The following USP25 variants were observed in gnomAD, a reference collection of about 807,000 sequenced individuals.
USP25 encodes ubiquitin specific peptidase 25, also known as ubiquitin carboxyl-terminal hydrolase 25.
A neutral mutation model predicts 158.5 loss-of-function variants in USP25; 85 were observed. The ratio of observed to expected loss-of-function variants is 0.54; its 90% CI spans 0.45 to 0.64. The LOEUF (loss-of-function observed/expected upper bound fraction) is 0.64, where lower values mean the gene tolerates loss of function less well. USP25 is among the 30% of genes least tolerant of loss of function. The pLI is 0.00. For missense variants in USP25, 1,242 were observed against 1,327.3 expected (o/e 0.94, Z 1.00); for synonymous variants, 464 against 460.4 (o/e 1.01, Z -0.10).
intron 18 of USP25, among the ~76,000 whole-genome samples, chr21:15,845,977 C>T (rs1302888416): frequency 2.0e-5 from 3 of 151,088 alleles, no homozygotes; most frequent in Admixed American, 6.6e-5. Flanking sequence ...ATAGAACAGC[C>T]GTTACATACC....
Position 15,755,707 on chromosome 21 carries a change from C to G in USP25, c.46-7184C>G, listed in dbSNP as rs570794688. Among the ~76,000 whole-genome samples, 3 of 152,010 alleles carry G rather than the reference C, an allele frequency of 2.0e-5. No individual in the cohort carries two copies. In the South Asian group the frequency reaches 6.2e-4, roughly 32 times the overall value. ...AGTTTAAACCTTCACTCTGAAAGTT[C>G]GATTAATTGAGTGCTGAAATAAACT... On this transcript the variant is annotated intron_variant, in intron 1 of 25. Transcript: ENST00000400183.
chr21:15,752,107 A>G (rs77828374), intron 1 of USP25, among the ~76,000 whole-genome samples: 11,656 of 150,914 alleles, frequency 0.077, 506 homozygotes, highest in East Asian at 0.1. Context: ...CTAATTTTGT[A>G]TTTTTGGTAG....
chr21:15,773,198 G>T (rs371676879), intron 3 of USP25: 1 of 152,148 alleles, frequency 6.6e-6, no homozygotes, highest in Admixed American at 6.6e-5. Context: ...TGAACCCTCC[G>T]CTATTGGAGA....
intron 20 of USP25, among the ~76,000 whole-genome samples, chr21:15,863,628 G>A (rs996575869): frequency 2.6e-5 from 4 of 152,150 alleles, no homozygotes; most frequent in African/African-American, 9.7e-5. Flanking sequence ...TCTGTGAATA[G>A]ACTTTGACTA....
chr21:15,742,762 A>G (rs533732653), intron 1 of USP25, among the ~76,000 whole-genome samples: 3 of 152,340 alleles, frequency 2.0e-5, no homozygotes, highest in Admixed American at 2.0e-4. Context: ...CTCTAAGGCC[A>G]GCAGTGCCTC....
chr21:15,762,172 T>A (rs1433004042), intron 1 of USP25, among the ~76,000 whole-genome samples: 2 of 152,154 alleles, frequency 1.3e-5, no homozygotes, highest in African/African-American at 4.8e-5. Context: ...CTAGGTTTGC[T>A]TTTCCTATCA....
At chr21:15,773,101 A>G (rs757923780) in intron 3 of USP25, among the ~76,000 whole-genome samples, 1 of 152,224 alleles carries the variant, frequency 6.6e-6, no homozygotes, top group African/African-American at 2.4e-5. Context: ...GTCTCAACCA[A>G]CTTTTCCAGC....
At chr21:15,769,435 C>A (rs16989491) in intron 3 of USP25, among the ~76,000 whole-genome samples, 3,616 of 152,180 alleles carry the variant, frequency 0.024, 136 homozygotes, top group African/African-American at 0.082. Flanking sequence ...CTATAATTAG[C>A]AAACGTACTA....
At chr21:15,831,128 A>G (rs993384428) in intron 15 of USP25, among the ~76,000 whole-genome samples, 1 of 152,200 alleles carries the variant, frequency 6.6e-6, no homozygotes, top group African/African-American at 2.4e-5. Flanking sequence ...AATTAGGCCA[A>G]TGAGTATGTA....
chr21:15,856,647 A>C (rs1471007564), intron 20 of USP25, among the ~76,000 whole-genome samples: 1 of 151,780 alleles, frequency 6.6e-6, no homozygotes, highest in South Asian at 2.1e-4. Context: ...AATTTTTTGT[A>C]TTTTTAGTAG....
intron 9 of USP25, among the ~76,000 whole-genome samples, chr21:15,815,282 T>TGCTA (rs2036879595): frequency 6.6e-6 from 1 of 152,190 alleles, no homozygotes; most frequent in Middle Eastern, 3.2e-3. Context: ...GGGGTCCTCA[T>TGCTA]GGACAACCTC....
At chr21:15,861,007 A>G (rs2039406914) in intron 20 of USP25, among the ~76,000 whole-genome samples, 1 of 151,192 alleles carries the variant, frequency 6.6e-6, no homozygotes, top group Non-Finnish European at 1.5e-5. Flanking sequence ...TTACATAAAA[A>G]ATTAAGTCCA....
chr21:15,737,066 C>G (rs1448201466), intron 1 of USP25, among the ~76,000 whole-genome samples: 1 of 151,908 alleles, frequency 6.6e-6, no homozygotes, highest in Non-Finnish European at 1.5e-5. Flanking sequence ...AATCTGTGTT[C>G]TCAGGAATTT....
rs550513956 is a variant in USP25, at chr21:15,819,110, A to G, written c.1080+264A>G. On this transcript the variant is annotated intron_variant, in intron 10 of 25. Coordinates refer to ENST00000400183, the MANE Select transcript of USP25 (RefSeq NM_001283041.3). Reference sequence around the variant, plus strand: ...TTGTTCAGTCTTTTTAGACCTTTCAATCAAGGTACCAGCCATTAGCAGCAT... The same window carrying G: ...TTGTTCAGTCTTTTTAGACCTTTCAGTCAAGGTACCAGCCATTAGCAGCAT... 7.9e-5 allele frequency among the ~76,000 whole-genome samples: 12 copies of G among 152,314 alleles called. No individual in the cohort carries two copies. The East Asian group carries it at 1.9e-3, about 24-fold the overall frequency.
intron 14 of USP25, among the ~76,000 whole-genome samples, chr21:15,829,207 T>C (rs894807448): frequency 2.0e-5 from 3 of 152,168 alleles, no homozygotes; most frequent in African/African-American, 7.2e-5. Flanking sequence ...AGGTTTGCTA[T>C]AAAGGTAAAT....
rs1490832542 is a variant in USP25 at position 15,833,559 on chromosome 21, T to C, written c.2194+11T>C. On this transcript the variant is annotated intron_variant, in intron 17 of 25. Coordinates refer to ENST00000400183, the MANE Select transcript of USP25 (RefSeq NM_001283041.3). ...CTTCTGTGACAACAGGTTTGTCCATTTTTATTAAGTTGTGTTTGATTATCA... is the reference window on the plus strand; with the variant it reads ...CTTCTGTGACAACAGGTTTGTCCATCTTTATTAAGTTGTGTTTGATTATCA... 6.2e-7 allele frequency: 1 copy of C among 1,605,530 alleles called. No homozygotes were observed. Among genetic ancestry groups the C allele is most frequent in the South Asian group, 1.1e-5 (1 of 89,288 alleles).
intron 4 of USP25, among the ~76,000 whole-genome samples, chr21:15,784,457 A>G (rs2035160963): frequency 6.6e-6 from 1 of 152,140 alleles, no homozygotes; most frequent in African/African-American, 2.4e-5. Flanking sequence ...CTGTAATCCA[A>G]GCTACTCGGG....
chr21:15,808,890 G>C lies in USP25; in HGVS notation c.857+5G>C. ...AATGAAAGCTGAAGAGGAGACGTAA[G>C]TTACCGTGAAGTTTAGCAATGGGGT... is the stretch of plus-strand genomic sequence containing the variant. On this transcript the variant is annotated splice_donor_5th_base_variant and intron_variant, in intron 8 of 25. Transcript: ENST00000400183. 6.2e-7 allele frequency: 1 copy of C among 1,604,678 alleles called. No homozygotes were observed. The highest frequency in any genetic ancestry group is 2.2e-5 in the East Asian group (1 of 44,618).
intron 20 of USP25, among the ~76,000 whole-genome samples, chr21:15,850,553 GTT>G (rs750052962): frequency 7.1e-6 from 1 of 141,470 alleles, no homozygotes; most frequent in Non-Finnish European, 1.6e-5. Flanking sequence ...AAATCTTCAA[GTT>G]TTTTTTTTTT....
Sources: allele counts gnomAD v4.1 joint callset (sites outside exome capture counted in the v4.1 genomes callset), GRCh38; gene constraint gnomAD v4.1.1; transcripts MANE v1.5; gene names NCBI Gene and HGNC (gene_info 2026-07-23, HGNC 2026-07-21).